The following EFL1 variants were observed in gnomAD, a reference collection of about 807,000 sequenced individuals.
EFL1 encodes elongation factor like GTPase 1, also known as elongation factor-like GTPase 1.
In EFL1, 76 loss-of-function variants were observed where a neutral mutation model predicts 126.7. The ratio of observed to expected loss-of-function variants is 0.60; its 90% confidence interval spans 0.50 to 0.73. EFL1 has a LOEUF of 0.73. EFL1 is among the 30% of genes least tolerant of loss of function. The probability of loss-of-function intolerance (pLI) is 0.00; values close to 1 mark genes in which losing one functional copy is unlikely to be tolerated. For missense variants in EFL1, 1,128 were observed against 1,343.2 expected, an observed-to-expected ratio of 0.84 and a Z score of 2.50; for synonymous variants, 410 against 448.4, an observed-to-expected ratio of 0.91 and a Z score of 1.08.
chr15:82,151,668 T>C lies in EFL1; in HGVS notation c.2786A>G (p.Glu929Gly). Residue 929 changes from glutamate (E) to glycine (G), a missense_variant, in exon 18 of 20, where the codon GAG becomes GGG. Glu to Gly is a moderately conservative substitution (Grantham distance 98). Around this residue, in one of 6 missense-constraint regions of EFL1, gnomAD observed 561 missense variants for 641.7 expected, o/e 0.87. Coordinates refer to ENST00000268206, the MANE Select transcript of EFL1 (RefSeq NM_024580.6). ...GGCCTCAGAGCAGCCATCTTGTAGCTCTTGGTTTTCATTTCCACCAGAACA... is the reference window on the plus strand; with the variant it reads ...GGCCTCAGAGCAGCCATCTTGTAGCCCTTGGTTTTCATTTCCACCAGAACA... Reference protein sequence around the residue: ...ETCSGGNENQELQDGCSEAFE... With the variant: ...ETCSGGNENQGLQDGCSEAFE... 6.2e-7 allele frequency: 1 copy of C among 1,614,156 alleles called. No individual in the cohort carries two copies. The highest frequency in any genetic ancestry group is 1.1e-5 in the South Asian group (1 of 91,086).
chr15:82,193,268 A>G lies in EFL1; in HGVS notation c.1750+21449T>C, dbSNP rs538120199. On this transcript the variant is annotated intron_variant, in intron 15 of 19. Transcript: ENST00000268206. ...ACTTGACAGAGATCTTGGTGGAGAAAGAAATTTAGATTCCATTAATACATA... is the reference window on the plus strand; with the variant it reads ...ACTTGACAGAGATCTTGGTGGAGAAGGAAATTTAGATTCCATTAATACATA... 3.9e-5 allele frequency among the ~76,000 whole-genome samples: 6 copies of G among 152,360 alleles called. No individual in the cohort carries two copies. The East Asian group carries it at 9.6e-4, about 24-fold the overall frequency.
At chr15:82,130,984 C>T (rs1358768502) in intron 19 of EFL1, among the ~76,000 whole-genome samples, 3 of 151,892 alleles carry the variant, frequency 2.0e-5, no homozygotes, top group East Asian at 3.9e-4. Flanking sequence ...CACTGCACTC[C>T]AGCCTGGGCG....
chr15:82,260,020 A>G (rs1044758999), intron 2 of EFL1, among the ~76,000 whole-genome samples: 1 of 152,186 alleles, frequency 6.6e-6, no homozygotes, highest in Non-Finnish European at 1.5e-5. Context: ...ACCTCCCTAG[A>G]AAATAATTAT....
chr15:82,139,998 C>T (rs1249359202), intron 18 of EFL1, among the ~76,000 whole-genome samples: 1 of 152,094 alleles, frequency 6.6e-6, no homozygotes, highest in East Asian at 1.9e-4. Flanking sequence ...TTATTAGGAA[C>T]GGAAATAGGA....
chr15:82,255,955 AGTTGAAATTTTTAAAAATCT>A (rs1403223398), intron 3 of EFL1, among the ~76,000 whole-genome samples: 1 of 152,350 alleles, frequency 6.6e-6, no homozygotes, highest in East Asian at 1.9e-4. Context: ...CAGCATATCA[AGTTGAAATTTTTAAAAATCT>A]GTTGGAATTT....
chr15:82,131,118 A>G (rs2073638271), intron 19 of EFL1, among the ~76,000 whole-genome samples: 1 of 152,214 alleles, frequency 6.6e-6, no homozygotes, highest in South Asian at 2.1e-4. Flanking sequence ...TCCTAGCGCC[A>G]GTTCATAACA....
intron 12 of EFL1, among the ~76,000 whole-genome samples, chr15:82,221,205 G>C (rs1247548387): frequency 1.3e-5 from 2 of 152,100 alleles, no homozygotes; most frequent in Non-Finnish European, 2.9e-5. Flanking sequence ...CCTCTCTCCC[G>C]TGTTGTCCAT....
chr15:82,229,100 T>C lies in EFL1; in HGVS notation c.866A>G (p.Lys289Arg). 2 of 1,611,004 alleles carry C rather than the reference T, an allele frequency of 1.2e-6. No homozygotes were observed. The highest frequency in any genetic ancestry group is 1.1e-5 in the South Asian group (1 of 90,622). ...GATCAACTGTACAAATAAAGGTTTC[T>C]TTCCTTTGGCCTGTACAAAAGAACA... Reference protein sequence around the residue: ...KIMKGDQAKGKKPLFVQLILE... With the variant: ...KIMKGDQAKGRKPLFVQLILE... Residue 289 changes from lysine to arginine, a missense_variant, in exon 9 of 20, where the codon AAG becomes AGG. Physicochemically the swap from Lys to Arg is conservative, Grantham distance 26. Transcript: ENST00000268206.
In EFL1 at chr15:82,240,636, C is replaced by G. The variant is rs1410324234; in HGVS notation, c.379-81G>C. ...ATTAGAAAATCGTGATTAATAACCA[C>G]TCTAGACTATGCCAGTCAGACAAAG... On this transcript the variant is annotated intron_variant, in intron 5 of 19. Coordinates refer to ENST00000268206, the MANE Select transcript of EFL1 (RefSeq NM_024580.6). The G allele has an allele frequency of 3.3e-6, 5 of 1,512,750 alleles. No individual in the cohort carries two copies. In the African/African-American group the frequency reaches 6.9e-5, roughly 21 times the overall value. 93.7% of individuals were successfully genotyped at this position (1,512,750 alleles called of 1,614,324 possible).
chr15:82,183,857 A>G (rs566207581), intron 15 of EFL1, among the ~76,000 whole-genome samples: 1 of 152,338 alleles, frequency 6.6e-6, no homozygotes, highest in African/African-American at 2.4e-5. Context: ...TCTGCCTAGA[A>G]CAATATCAGG....
chr15:82,162,720 T>C (rs1224920102), intron 16 of EFL1, among the ~76,000 whole-genome samples: 1 of 152,156 alleles, frequency 6.6e-6, no homozygotes, highest in Non-Finnish European at 1.5e-5. Flanking sequence ...AGAGGTCCAG[T>C]CCTCCAAGTA....
At chr15:82,232,827 ACATTTATTGGTATAAT>A (rs1395002001) in intron 7 of EFL1, among the ~76,000 whole-genome samples, 1 of 152,094 alleles carries the variant, frequency 6.6e-6, no homozygotes, top group Non-Finnish European at 1.5e-5. Flanking sequence ...GGGATTTCAT[ACATTTATTGGTATAAT>A]CATTTATTGG....
At chr15:82,163,386 C>T (rs947198332) in intron 16 of EFL1, among the ~76,000 whole-genome samples, 4 of 152,078 alleles carry the variant, frequency 2.6e-5, no homozygotes, top group African/African-American at 9.7e-5. Flanking sequence ...ACTAAAAATA[C>T]AAAAATTAGC....
chr15:82,198,790 G>A (rs12439679), intron 15 of EFL1, among the ~76,000 whole-genome samples: 12,750 of 152,140 alleles, frequency 0.084, 906 homozygotes, highest in African/African-American at 0.18. Context: ...GGTCCCACTG[G>A]TAAAATCCAG....
chr15:82,209,316 G>GACACACACACACACACACACACACACAC (rs57128885), intron 15 of EFL1, among the ~76,000 whole-genome samples: 2 of 146,240 alleles, frequency 1.4e-5, no homozygotes, highest in African/African-American at 5.1e-5. Flanking sequence ...CACAGACACA[G>GACACACACACACACACACACACACACAC]ACACACACAC....
At chr15:82,131,200 T>A (rs555587774) in intron 19 of EFL1, among the ~76,000 whole-genome samples, 1 of 152,346 alleles carries the variant, frequency 6.6e-6, no homozygotes, top group South Asian at 2.1e-4. Context: ...CTAGGATATA[T>A]CTGAATGTTA....
At chr15:82,196,449 TAGTA>T (rs1450410771) in intron 15 of EFL1, among the ~76,000 whole-genome samples, 7 of 152,208 alleles carry the variant, frequency 4.6e-5, no homozygotes, top group Non-Finnish European at 5.9e-5. Context: ...TTAATAATCA[TAGTA>T]AGTGAGAAGA....
At chr15:82,227,144 T>C (rs760015314) in intron 11 of EFL1, among the ~76,000 whole-genome samples, 2 of 152,150 alleles carry the variant, frequency 1.3e-5, no homozygotes, top group Non-Finnish European at 2.9e-5. Context: ...AGAAAATACG[T>C]GGAGACAAAT....
chr15:82,135,103 G>A (rs1214062033), intron 19 of EFL1, among the ~76,000 whole-genome samples: 1 of 152,146 alleles, frequency 6.6e-6, no homozygotes, highest in Non-Finnish European at 1.5e-5. Context: ...AAGATTTGAA[G>A]CTTTTGGGAA....
Sources: allele counts gnomAD v4.1 joint callset (sites outside exome capture counted in the v4.1 genomes callset), GRCh38; gene constraint gnomAD v4.1.1; regional missense constraint gnomAD v4.1.1; transcripts MANE v1.5; gene names NCBI Gene and HGNC (gene_info 2026-07-23, HGNC 2026-07-21).